FAM83B: variants seen among roughly 807,000 people sequenced by gnomAD.
FAM83B encodes the protein scaffolding CK1 anchoring protein B, also known as protein FAM83B.
FAM83B carries 26 observed loss-of-function variants against 38.8 expected under a neutral mutation model. That is an observed-to-expected ratio of 0.67 (90% CI 0.49 to 0.93). The LOEUF (loss-of-function observed/expected upper bound fraction) is 0.93, where lower values mean the gene tolerates loss of function less well. FAM83B is among the 40% of genes least tolerant of loss of function. The pLI, the probability that FAM83B is intolerant of heterozygous loss-of-function variation, is 0.00. For synonymous variants in FAM83B, 419 were observed against 423.1 expected (o/e 0.99, Z 0.12); for missense variants, 1,237 against 1,197.3 (o/e 1.03, Z -0.49).
At chr6:54,897,400 G>C (rs1244010734) in intron 2 of FAM83B, among the ~76,000 whole-genome samples, 1 of 151,924 alleles carries the variant, frequency 6.6e-6, no homozygotes, top group Admixed American at 6.6e-5. Flanking sequence ...CCTTAAATGA[G>C]GTTAAAATTT....
chr6:54,935,531 C>A (rs1167188486), intron 4 of FAM83B, among the ~76,000 whole-genome samples: 1 of 151,934 alleles, frequency 6.6e-6, no homozygotes, highest in Non-Finnish European at 1.5e-5. Context: ...TGTGGTAGGA[C>A]CACATTAAGC....
intron 2 of FAM83B, among the ~76,000 whole-genome samples, chr6:54,913,953 G>A (rs1772976468): frequency 1.3e-5 from 2 of 151,174 alleles, no homozygotes; most frequent in Admixed American, 6.6e-5. Flanking sequence ...CAAACCTAAA[G>A]AATAAAAATA....
Position 54,911,302 on chromosome 6 carries a change from G to GA in FAM83B, c.445-15058dup, listed in dbSNP as rs796439261. ...CTTTACTTAGGAAGTTTGAGTTAAAGAAAAAAAAAAACAAAAGCAAAGGCA... is the reference window on the plus strand; with the variant it reads ...CTTTACTTAGGAAGTTTGAGTTAAAGAAAAAAAAAAAACAAAAGCAAAGGCA... On this transcript the variant is annotated intron_variant, in intron 2 of 4. Transcript: ENST00000306858. Among the ~76,000 whole-genome samples, 790 of 135,934 alleles carry GA rather than the reference G, an allele frequency of 5.8e-3. 9 individuals are homozygous for GA. The highest frequency in any genetic ancestry group is 0.019 in the Middle Eastern group (5 of 268). 89.2% of individuals were successfully genotyped at this position (135,934 alleles called of 152,430 possible). A position where few individuals can be genotyped will look rare whatever the true frequency, so the allele number is the denominator to read the frequency against.
intron 2 of FAM83B, among the ~76,000 whole-genome samples, chr6:54,924,217 G>GCA (rs1292301892): frequency 2.9e-5 from 4 of 139,342 alleles, no homozygotes; most frequent in African/African-American, 1.1e-4. Flanking sequence ...ACACACACAC[G>GCA]CACACACCAC....
At chr6:54,852,703 C>A (rs1771333398) in intron 1 of FAM83B, among the ~76,000 whole-genome samples, 1 of 152,150 alleles carries the variant, frequency 6.6e-6, no homozygotes, top group African/African-American at 2.4e-5. Flanking sequence ...GACAATTATC[C>A]AAATTGTGAA....
At chr6:54,884,837 A>T (rs904701056) in intron 2 of FAM83B, among the ~76,000 whole-genome samples, 5 of 149,354 alleles carry the variant, frequency 3.3e-5, no homozygotes, top group Non-Finnish European at 7.4e-5. Flanking sequence ...CAGTGGTGAG[A>T]TCTGGGCTCA....
At chr6:54,924,133 T>A (rs935057642) in intron 2 of FAM83B, among the ~76,000 whole-genome samples, 4 of 151,732 alleles carry the variant, frequency 2.6e-5, no homozygotes, top group Non-Finnish European at 5.9e-5. Flanking sequence ...GCCCTCCGGG[T>A]TCATTCATGT....
At position 54,901,060 on chromosome 6, in the gene FAM83B, T is replaced by A. The variant is rs111952412; in HGVS notation, c.445-25311T>A. 9.8e-5 allele frequency among the ~76,000 whole-genome samples: 15 copies of A among 152,304 alleles called. 3 individuals carry two copies. Among genetic ancestry groups the A allele is most frequent in the African/African-American group, 3.6e-4 (15 of 41,574 alleles). Reference sequence around the variant, plus strand: ...GTGTTACTGACAACAAAAGCTATTATCCATGTGTGGAAAGAACTGGGAATC... The same window carrying A: ...GTGTTACTGACAACAAAAGCTATTAACCATGTGTGGAAAGAACTGGGAATC... On this transcript the variant is annotated intron_variant, in intron 2 of 4. Transcript: ENST00000306858.
chr6:54,904,045 T>C (rs540095774), intron 2 of FAM83B, among the ~76,000 whole-genome samples: 1 of 151,944 alleles, frequency 6.6e-6, no homozygotes, highest in South Asian at 2.1e-4. Flanking sequence ...TGCCCTCTCA[T>C]TTGGCCAATA....
At chr6:54,899,559 A>G (rs239845) in intron 2 of FAM83B, among the ~76,000 whole-genome samples, 30,363 of 152,178 alleles carry the variant, frequency 0.2, 3,452 homozygotes, top group African/African-American at 0.31. Context: ...GAGACTTGGA[A>G]GTCCAAGATC....
chr6:54,873,664 G>T (rs1771918651), intron 2 of FAM83B, among the ~76,000 whole-genome samples: 1 of 150,076 alleles, frequency 6.7e-6, no homozygotes. Flanking sequence ...TAAAGTATTT[G>T]GATAATGTAT....
rs945654716 is a variant in FAM83B, at chr6:54,940,358, G to A, written c.1387G>A (p.Val463Ile). 3.1e-6 allele frequency: 5 copies of A among 1,613,964 alleles called. No homozygotes were observed. Among genetic ancestry groups the A allele is most frequent in the East Asian group, 2.2e-5 (1 of 44,882 alleles). Residue 463 changes from valine to isoleucine, a missense_variant, in exon 5 of 5, where the codon GTT (valine) becomes ATT (isoleucine). Physicochemically the swap from Val to Ile is conservative, Grantham distance 29. Coordinates refer to ENST00000306858, the MANE Select transcript of FAM83B (RefSeq NM_001010872.3). ...TTNLADRNSN[V>I]RRSFNGTDNH... ...AAATCTTGCAGACAGGAATTCAAAT[G>A]TTCGGAGGTCTTTTAATGGGACAGA...
At position 54,941,400 on chromosome 6, in the gene FAM83B, A is replaced by C. The variant is rs1773689312; in HGVS notation, c.2429A>C (p.Glu810Ala). 6.2e-7 allele frequency: 1 copy of C among 1,613,026 alleles called. No homozygotes were observed. Among genetic ancestry groups the C allele is most frequent in the Admixed American group, 1.7e-5 (1 of 59,756 alleles). ...AGTAGCTCTGACACATTAGTTTCTG[A>C]GGGTGAAGAAAATCAAAAACCAAAG... Reference protein sequence around the residue: ...LCSSSDTLVSEGEENQKPKKS... With the variant: ...LCSSSDTLVSAGEENQKPKKS... The change falls in exon 5 of 5, where the codon GAG becomes GCG. Residue 810 changes from glutamate (E) to alanine (A), a missense_variant. Glu to Ala is a moderately radical substitution (Grantham distance 107, BLOSUM62 -1). Transcript: ENST00000306858.
chr6:54,861,276 C>T (rs1290756818), intron 1 of FAM83B, among the ~76,000 whole-genome samples: 3 of 152,130 alleles, frequency 2.0e-5, no homozygotes, highest in South Asian at 2.1e-4. Flanking sequence ...TGGCCTAGGC[C>T]GGGCACAGTT....
intron 2 of FAM83B, among the ~76,000 whole-genome samples, chr6:54,914,090 G>A (rs1226949080): frequency 6.6e-6 from 1 of 151,986 alleles, no homozygotes; most frequent in Non-Finnish European, 1.5e-5. Flanking sequence ...TTGTTGATAT[G>A]TCTCTTAGTA....
intron 1 of FAM83B, among the ~76,000 whole-genome samples, chr6:54,865,904 T>C (rs1246026654): frequency 6.6e-6 from 1 of 151,914 alleles, no homozygotes; most frequent in East Asian, 1.9e-4. Context: ...TAAAATCTCT[T>C]ATCAAATTTA....
intron 2 of FAM83B, among the ~76,000 whole-genome samples, chr6:54,873,746 C>A (rs543842674): frequency 1.4e-4 from 20 of 146,734 alleles, no homozygotes; most frequent in African/African-American, 4.8e-4. Context: ...GTAATAAACA[C>A]TGTAAAACTC....
chr6:54,874,775 T>C (rs905391546), intron 2 of FAM83B, among the ~76,000 whole-genome samples: 4 of 152,110 alleles, frequency 2.6e-5, no homozygotes, highest in African/African-American at 9.7e-5. Flanking sequence ...TTGTGAAATA[T>C]GGGATCAAGA....
intron 4 of FAM83B, 140 bp from the exon 5 acceptor site, chr6:54,939,566 G>A: frequency 1.3e-6 from 1 of 793,030 alleles, no homozygotes; most frequent in Non-Finnish European, 1.9e-6. Context: ...TGTAGTGCAT[G>A]TAATGACGGA....
Sources: allele counts gnomAD v4.1 joint callset (sites outside exome capture counted in the v4.1 genomes callset), GRCh38; gene constraint gnomAD v4.1.1; transcripts MANE v1.5; gene names NCBI Gene and HGNC (gene_info 2026-07-23, HGNC 2026-07-21).